CAMK2D: variants seen among roughly 807,000 people sequenced by gnomAD.
The protein encoded by CAMK2D is calcium/calmodulin-dependent protein kinase type II subunit delta.
CAMK2D carries 37 observed loss-of-function variants against 84.0 expected under a neutral mutation model. The ratio of observed to expected loss-of-function variants is 0.44; its 90% CI spans 0.34 to 0.58. The LOEUF is 0.58. CAMK2D is among the 20% of genes least tolerant of loss of function. The pLI is 0.02. For synonymous variants in CAMK2D, 202 were observed against 212.5 expected (o/e 0.95, Z 0.43); for missense variants, 448 against 652.5 (o/e 0.69, Z 3.41).
chr4:113,498,616 G>C (rs576825077), intron 16 of CAMK2D, among the ~76,000 whole-genome samples: 5 of 152,270 alleles, frequency 3.3e-5, no homozygotes, highest in Admixed American at 2.6e-4. Flanking sequence ...TCTAATACTT[G>C]TATACAGACT....
chr4:113,559,191 T>C (rs1272741613), intron 4 of CAMK2D, among the ~76,000 whole-genome samples: 2 of 152,038 alleles, frequency 1.3e-5, no homozygotes, highest in South Asian at 4.1e-4. Flanking sequence ...TTTAAAAGAA[T>C]AGAGAAGTCC....
chr4:113,565,769 G>A (rs1259978249), intron 4 of CAMK2D, among the ~76,000 whole-genome samples: 1 of 151,974 alleles, frequency 6.6e-6, no homozygotes, highest in Non-Finnish European at 1.5e-5. Context: ...CTTAATTTGA[G>A]GTTTAAATCA....
intron 3 of CAMK2D, among the ~76,000 whole-genome samples, chr4:113,629,318 C>T (rs2099080153): frequency 6.6e-6 from 1 of 151,966 alleles, no homozygotes; most frequent in Admixed American, 6.6e-5. Flanking sequence ...TTGCCATAGT[C>T]AATTTTGAAA....
chr4:113,597,770 C>T (rs1471764048), intron 4 of CAMK2D, among the ~76,000 whole-genome samples: 1 of 152,220 alleles, frequency 6.6e-6, no homozygotes, highest in Non-Finnish European at 1.5e-5. Flanking sequence ...CCTCACTAAC[C>T]TTAATTCTTT....
At chr4:113,661,432 A>T (rs1301033455) in intron 3 of CAMK2D, among the ~76,000 whole-genome samples, 1 of 152,142 alleles carries the variant, frequency 6.6e-6, no homozygotes, top group Non-Finnish European at 1.5e-5. Flanking sequence ...ACTGGTTGGT[A>T]CACAACTTTC....
intron 3 of CAMK2D, among the ~76,000 whole-genome samples, chr4:113,617,859 T>A (rs1480804463): frequency 6.7e-6 from 1 of 149,368 alleles, no homozygotes; most frequent in Non-Finnish European, 1.5e-5. Context: ...CATGGTGAAG[T>A]ATATTTCACA....
chr4:113,569,917 C>T (rs2098744466), intron 4 of CAMK2D, among the ~76,000 whole-genome samples: 1 of 151,892 alleles, frequency 6.6e-6, no homozygotes, highest in African/African-American at 2.4e-5. Flanking sequence ...GAATATAGTT[C>T]TGCTAATAAA....
chr4:113,753,876 T>A, intron 2 of CAMK2D: 1 of 984,826 alleles, frequency 1.0e-6, no homozygotes, highest in African/African-American at 1.7e-5. Context: ...AAAGGCTTTC[T>A]TTATCTCCCT....
intron 13 of CAMK2D, 121 bp downstream of exon 13, chr4:113,509,517 C>A (rs1443633010): frequency 1.5e-6 from 1 of 670,398 alleles, no homozygotes; most frequent in South Asian, 1.9e-5. Flanking sequence ...TTTCAACCTG[C>A]AACCTTTATC....
chr4:113,509,951 C>CTGT (rs2098188485), intron 12 of CAMK2D, among the ~76,000 whole-genome samples: 1 of 152,174 alleles, frequency 6.6e-6, no homozygotes, highest in South Asian at 2.1e-4. Flanking sequence ...CTTTATTTCA[C>CTGT]TGTTGGTTGT....
intron 16 of CAMK2D, among the ~76,000 whole-genome samples, chr4:113,486,824 C>T (rs1019838518): frequency 3.3e-5 from 5 of 152,214 alleles, no homozygotes; most frequent in Non-Finnish European, 7.3e-5. Flanking sequence ...ACGATTCACT[C>T]TCTATTGATT....
chr4:113,623,606 A>C (rs1396246625), intron 3 of CAMK2D, among the ~76,000 whole-genome samples: 1 of 152,212 alleles, frequency 6.6e-6, no homozygotes, highest in Non-Finnish European at 1.5e-5. Flanking sequence ...GTACTGAATA[A>C]GCAACAACTG....
intron 3 of CAMK2D, among the ~76,000 whole-genome samples, chr4:113,659,787 A>C (rs1355289092): frequency 6.6e-6 from 1 of 152,212 alleles, no homozygotes. Flanking sequence ...TGTCAGAGTA[A>C]AATGCTTCTA....
At chr4:113,610,723 CTT>C (rs1446610194) in intron 3 of CAMK2D, among the ~76,000 whole-genome samples, 5 of 152,176 alleles carry the variant, frequency 3.3e-5, no homozygotes, top group South Asian at 2.1e-4. Flanking sequence ...CTACTTAGCT[CTT>C]GAGTGCATGA....
At chr4:113,466,874 T>G (rs2097479041) in intron 16 of CAMK2D, among the ~76,000 whole-genome samples, 1 of 152,230 alleles carries the variant, frequency 6.6e-6, no homozygotes, top group African/African-American at 2.4e-5. Context: ...TTATTACTTG[T>G]TTTAAATTGT....
intron 6 of CAMK2D, among the ~76,000 whole-genome samples, chr4:113,546,281 G>C: frequency 6.6e-6 from 1 of 152,190 alleles, no homozygotes; most frequent in Non-Finnish European, 1.5e-5. Flanking sequence ...TAAATGGCCA[G>C]TAAAGAATTT....
At chr4:113,735,412 T>C (rs1593841062) in intron 2 of CAMK2D, among the ~76,000 whole-genome samples, 1 of 146,712 alleles carries the variant, frequency 6.8e-6, no homozygotes, top group Admixed American at 6.9e-5. Context: ...GAGGCAGAGG[T>C]TGTGGTGAGC....
intron 17 of CAMK2D, among the ~76,000 whole-genome samples, chr4:113,461,309 C>T (rs2097370365): frequency 6.6e-6 from 1 of 152,088 alleles, no homozygotes; most frequent in Admixed American, 6.6e-5. Flanking sequence ...TACTATGTGG[C>T]AGATATTCTT....
chr4:113,578,507 C>T (rs572946701), intron 4 of CAMK2D, among the ~76,000 whole-genome samples: 1 of 152,252 alleles, frequency 6.6e-6, no homozygotes, highest in Admixed American at 6.5e-5. Flanking sequence ...TAAGTTATCC[C>T]TCATTCCCTA....
Sources: gnomAD v4.1 joint callset for allele counts (sites outside exome capture counted in the v4.1 genomes callset) on GRCh38, gnomAD v4.1.1 for gene constraint, MANE v1.5 for transcripts, NCBI Gene and HGNC (gene_info 2026-07-23, HGNC 2026-07-21) for gene names.